Variants in DLG2 observed in about 807,000 individuals in gnomAD.
The protein encoded by DLG2 is disks large homolog 2.
In DLG2, 45 loss-of-function variants were observed where a neutral mutation model predicts 132.5. That is an observed-to-expected ratio of 0.34 (90% CI 0.27 to 0.44). The LOEUF (loss-of-function observed/expected upper bound fraction) is 0.44, where lower values mean the gene tolerates loss of function less well. DLG2 is among the 20% of genes least tolerant of loss of function. DLG2 has a pLI of 1.00. For missense variants in DLG2, 1,045 were observed against 1,196.9 expected (o/e 0.87, Z 1.87); for synonymous variants, 424 against 419.6 (o/e 1.01, Z -0.13).
chr11:83,539,059 A>G (rs2095981846), intron 20 of DLG2, among the ~76,000 whole-genome samples: 1 of 152,212 alleles, frequency 6.6e-6, no homozygotes, highest in South Asian at 2.1e-4. Context: ...CCTCATTTGT[A>G]AAATAAGGAT....
At position 84,128,615 on chromosome 11, in the gene DLG2, C is replaced by T. The variant is rs1000432250; in HGVS notation, c.625-29568G>A. ...CTATCAGGTTTCTTTTAAATTTTTT[C>T]GGTCTGCATTGGGATTGACTTTAAT... On this transcript the variant is annotated intron_variant, in intron 9 of 27. Coordinates refer to ENST00000376104, the MANE Select transcript of DLG2 (RefSeq NM_001142699.3). 3.3e-5 allele frequency among the ~76,000 whole-genome samples: 5 copies of T among 152,024 alleles called. No individual in the cohort carries two copies. The East Asian group carries it at 7.7e-4, about 23-fold the overall frequency.
chr11:85,119,825 T>A (rs891030197), intron 5 of DLG2, among the ~76,000 whole-genome samples: 1 of 152,160 alleles, frequency 6.6e-6, no homozygotes. Context: ...TCTGCTACCA[T>A]AGAGACAAAG....
intron 9 of DLG2, among the ~76,000 whole-genome samples, chr11:84,127,433 A>G (rs2154212240): frequency 6.6e-6 from 1 of 152,286 alleles, no homozygotes; most frequent in East Asian, 1.9e-4. Flanking sequence ...ACTGTCTCAC[A>G]GTACTGGAGG....
At chr11:84,431,213 T>C (rs1414597613) in intron 7 of DLG2, among the ~76,000 whole-genome samples, 1 of 152,174 alleles carries the variant, frequency 6.6e-6, no homozygotes, top group Non-Finnish European at 1.5e-5. Flanking sequence ...ATAACATATA[T>C]ATACACACAC....
chr11:85,291,585 C>CTTTTTTT (rs11436726), intron 3 of DLG2, among the ~76,000 whole-genome samples: 6 of 138,782 alleles, frequency 4.3e-5, no homozygotes, highest in Non-Finnish European at 6.1e-5. Context: ...GGATTCTCTT[C>CTTTTTTT]TTTTTTTTTT....
At chr11:84,940,638 C>G (rs2049299646) in intron 6 of DLG2, among the ~76,000 whole-genome samples, 1 of 152,180 alleles carries the variant, frequency 6.6e-6, no homozygotes, top group African/African-American at 2.4e-5. Context: ...AATCCCTTGT[C>G]AAATGGGTAG....
chr11:83,846,940 C>CAAAAAA (rs1565319397), intron 16 of DLG2, among the ~76,000 whole-genome samples: 3 of 58,140 alleles, frequency 5.2e-5, no homozygotes, highest in Non-Finnish European at 1.1e-4. Flanking sequence ...ATCTCCCAAG[C>CAAAAAA]CAAAAAAAAA....
At chr11:84,995,410 A>T (rs909199871) in intron 6 of DLG2, among the ~76,000 whole-genome samples, 1 of 152,294 alleles carries the variant, frequency 6.6e-6, no homozygotes, top group East Asian at 1.9e-4. Flanking sequence ...TAGTAAATCA[A>T]TTAACAGTGC....
chr11:84,164,164 T>C (rs1048187881), intron 8 of DLG2, among the ~76,000 whole-genome samples: 4 of 152,200 alleles, frequency 2.6e-5, no homozygotes, highest in African/African-American at 9.6e-5. Flanking sequence ...AACCAATCCT[T>C]GTATTGATTT....
intron 19 of DLG2, among the ~76,000 whole-genome samples, chr11:83,550,334 G>A (rs1014337486): frequency 1.3e-5 from 2 of 152,104 alleles, no homozygotes; most frequent in African/African-American, 4.8e-5. Flanking sequence ...AGTCCTCAGT[G>A]CTCCCAATTC....
chr11:85,325,307 C>A (rs569979659), intron 3 of DLG2, among the ~76,000 whole-genome samples: 3 of 152,220 alleles, frequency 2.0e-5, no homozygotes, highest in Non-Finnish European at 4.4e-5. Flanking sequence ...GTAGGCTCCA[C>A]GTCTGGGGGC....
chr11:84,159,314 G>A (rs1377834234), intron 9 of DLG2, among the ~76,000 whole-genome samples: 1 of 152,084 alleles, frequency 6.6e-6, no homozygotes, highest in African/African-American at 2.4e-5. Context: ...GTGCAATTAA[G>A]TAATAATAAA....
chr11:83,571,578 G>C (rs2096796903), intron 19 of DLG2, among the ~76,000 whole-genome samples: 1 of 137,604 alleles, frequency 7.3e-6, no homozygotes, highest in Non-Finnish European at 1.5e-5. Context: ...TGTTATTCGA[G>C]CGAGACTCCG....
intron 6 of DLG2, among the ~76,000 whole-genome samples, chr11:84,873,269 G>A (rs1243749933): frequency 6.6e-6 from 1 of 152,102 alleles, no homozygotes; most frequent in Admixed American, 6.6e-5. Context: ...GCAATGCACT[G>A]TCAAGGTGGA....
intron 6 of DLG2, among the ~76,000 whole-genome samples, chr11:85,089,447 G>A (rs2068425332): frequency 6.6e-6 from 1 of 152,148 alleles, no homozygotes; most frequent in African/African-American, 2.4e-5. Context: ...ATATGTTTCT[G>A]TAAAGGAAAT....
At chr11:84,513,773 G>A (rs1195402825) in intron 7 of DLG2, among the ~76,000 whole-genome samples, 1 of 149,388 alleles carries the variant, frequency 6.7e-6, no homozygotes, top group Non-Finnish European at 1.5e-5. Flanking sequence ...ATTGGTCCAG[G>A]CCCCCCAAAA....
At chr11:84,860,821 A>C (rs980033571) in intron 6 of DLG2, among the ~76,000 whole-genome samples, 2 of 152,014 alleles carry the variant, frequency 1.3e-5, no homozygotes, top group Non-Finnish European at 2.9e-5. Context: ...AACACTGAAG[A>C]CAAGAGAATT....
chr11:85,164,907 A>G (rs554893280), intron 4 of DLG2, among the ~76,000 whole-genome samples: 1 of 152,234 alleles, frequency 6.6e-6, no homozygotes, highest in Admixed American at 6.5e-5. Context: ...CATCCTTTCA[A>G]ATTGTGGTTC....
In DLG2 at chr11:85,020,415, C is replaced by A. The variant is rs543016752; in HGVS notation, c.357+91246G>T. On this transcript the variant is annotated intron_variant, in intron 6 of 27. Transcript: ENST00000376104. ...AAATTTTCTCCCATTCTGTAGGTCG[C>A]CTGTTCACTCTAATGGTGGTTTCTT... is the stretch of plus-strand genomic sequence containing the variant. 1.1e-4 allele frequency among the ~76,000 whole-genome samples: 17 copies of A among 152,190 alleles called. 1 individual carries two copies. The South Asian group carries it at 3.5e-3, about 32-fold the overall frequency.
Sources: allele counts gnomAD v4.1 joint callset (sites outside exome capture counted in the v4.1 genomes callset), GRCh38; gene constraint gnomAD v4.1.1; transcripts MANE v1.5; gene names NCBI Gene and HGNC (gene_info 2026-07-23, HGNC 2026-07-21).